The following ABCB1 variants were observed in gnomAD, a reference collection of about 807,000 sequenced individuals.
ABCB1 encodes the protein ATP-dependent translocase ABCB1.
A neutral mutation model predicts 142.0 loss-of-function variants in ABCB1; 69 were observed. That is an observed-to-expected ratio of 0.49 (90% CI 0.40 to 0.59). The LOEUF (loss-of-function observed/expected upper bound fraction) is 0.59, where lower values mean the gene tolerates loss of function less well. Ranked by LOEUF, ABCB1 falls within the 20% of genes least tolerant of loss-of-function variation. The probability of loss-of-function intolerance (pLI) is 0.00; values close to 1 mark genes in which losing one functional copy is unlikely to be tolerated. For missense variants in ABCB1, 1,326 were observed against 1,554.7 expected (o/e 0.85, Z 2.47); for synonymous variants, 532 against 539.2 (o/e 0.99, Z 0.18).
intron 1 of ABCB1, among the ~76,000 whole-genome samples, chr7:87,673,549 A>C (rs567083553): frequency 2.0e-5 from 3 of 152,176 alleles, no homozygotes; most frequent in African/African-American, 7.2e-5. Flanking sequence ...CGAAGTGTGC[A>C]TGTCTATCAG....
At chr7:87,532,389 T>C (rs1381300659) in intron 20 of ABCB1, among the ~76,000 whole-genome samples, 3 of 152,158 alleles carry the variant, frequency 2.0e-5, no homozygotes, top group African/African-American at 7.2e-5. Context: ...CAGCACAAGA[T>C]ACAGGTCGCT....
intron 21 of ABCB1, among the ~76,000 whole-genome samples, chr7:87,523,251 T>A (rs1320037330): frequency 6.6e-6 from 1 of 152,162 alleles, no homozygotes; most frequent in East Asian, 1.9e-4. Context: ...TAGCTAAGAC[T>A]ACAAGCACAT....
At chr7:87,611,346 G>A (rs770575493) in intron 1 of ABCB1, among the ~76,000 whole-genome samples, 1 of 152,122 alleles carries the variant, frequency 6.6e-6, no homozygotes, top group Non-Finnish European at 1.5e-5. Context: ...TGCCCATTAG[G>A]ATGTTTTTCA....
chr7:87,697,712 C>T (rs1049648892), intron 1 of ABCB1, among the ~76,000 whole-genome samples: 4 of 152,206 alleles, frequency 2.6e-5, no homozygotes, highest in Non-Finnish European at 4.4e-5. Flanking sequence ...CTCTTTGCTA[C>T]TTGCTGCACA....
At chr7:87,706,064 T>C (rs1232875677) in intron 1 of ABCB1, among the ~76,000 whole-genome samples, 1 of 152,228 alleles carries the variant, frequency 6.6e-6, no homozygotes, top group Non-Finnish European at 1.5e-5. Context: ...GATTTGGCTT[T>C]CTTAGGTTTC....
At chr7:87,558,643 A>G (rs1817416289) in intron 8 of ABCB1, among the ~76,000 whole-genome samples, 1 of 152,084 alleles carries the variant, frequency 6.6e-6, no homozygotes, top group African/African-American at 2.4e-5. Context: ...TATTTTTTAA[A>G]TTGACAGACA....
At chr7:87,626,775 A>ATATATAT (rs1491398347) in intron 1 of ABCB1, among the ~76,000 whole-genome samples, 1 of 121,922 alleles carries the variant, frequency 8.2e-6, no homozygotes, top group African/African-American at 3.3e-5. Context: ...TATATATGTC[A>ATATATAT]GAGAGAGAGA....
intron 21 of ABCB1, among the ~76,000 whole-genome samples, chr7:87,526,193 T>C (rs1277422891): frequency 2.0e-5 from 3 of 151,928 alleles, no homozygotes; most frequent in African/African-American, 7.3e-5. Context: ...CTCCTATTTC[T>C]TTTTGTGGTT....
intron 1 of ABCB1, among the ~76,000 whole-genome samples, chr7:87,605,895 A>G (rs574063364): frequency 1.3e-4 from 20 of 152,344 alleles, no homozygotes; most frequent in African/African-American, 4.8e-4. Flanking sequence ...ATAAAAATTA[A>G]GAACATGAGA....
chr7:87,565,624 G>T (rs887050907), intron 7 of ABCB1: 1 of 337,194 alleles, frequency 3.0e-6, no homozygotes, highest in East Asian at 7.7e-5. Context: ...AATCTAGAAA[G>T]CCAAAAACAT....
At chr7:87,666,743 G>C (rs1202456500) in intron 1 of ABCB1, among the ~76,000 whole-genome samples, 1 of 152,012 alleles carries the variant, frequency 6.6e-6, no homozygotes, top group Non-Finnish European at 1.5e-5. Flanking sequence ...TATTGATTAG[G>C]AGTATTTTCC....
chr7:87,670,953 G>A (rs1332931973), intron 1 of ABCB1, among the ~76,000 whole-genome samples: 1 of 152,072 alleles, frequency 6.6e-6, no homozygotes, highest in Non-Finnish European at 1.5e-5. Context: ...GCTGCCCACT[G>A]CAGCTTTGGG....
intron 18 of ABCB1, 91 bp from the exon 19 acceptor site, chr7:87,539,436 AC>A (rs1816435493): frequency 7.9e-7 from 1 of 1,266,482 alleles, no homozygotes; most frequent in Non-Finnish European, 1.1e-6. Context: ...AGGAGATCAG[AC>A]AAAGTCAGAA....
rs200168291 is a variant in ABCB1 at position 87,566,998 on chromosome 7, G to A, written c.339-22C>T. 1.9e-6 allele frequency: 3 copies of A among 1,607,288 alleles called. No homozygotes were observed. The African/African-American group carries it at 4.0e-5, about 21-fold the overall frequency. On this transcript the variant is annotated intron_variant, in intron 5 of 27. Coordinates refer to ENST00000622132, the MANE Select transcript of ABCB1 (RefSeq NM_001348946.2). The stretch of plus-strand genomic sequence containing the variant: ...ATACCTGAAAAACAACAAGAACACT[G>A]CACATGCTCTCTGTTTCCTAATCAA...
rs1829278840 is a variant in ABCB1 at position 87,703,590 on chromosome 7, G to T, written c.-331+9571C>A. ...CTTCAATATCTTTCAACTCTCTCAG[G>T]TTGGATCAGTTTTCTTCTCTGTCTC... On this transcript the variant is annotated intron_variant, in intron 1 of 28. Transcript: ENST00000265724. Among the ~76,000 whole-genome samples the T allele has an allele frequency of 3.3e-5, 5 of 152,144 alleles. No individual in the cohort carries two copies. In the South Asian group the frequency reaches 1.0e-3, roughly 32 times the overall value.
At chr7:87,539,514 T>A (rs1400361347) in intron 18 of ABCB1, among the ~76,000 whole-genome samples, 169 bp from the exon 19 acceptor site, 1 of 152,174 alleles carries the variant, frequency 6.6e-6, no homozygotes, top group Non-Finnish European at 1.5e-5. Context: ...GTACGGGTGG[T>A]GTAGACAGAA....
intron 16 of ABCB1, 68 bp from the exon 17 acceptor site, chr7:87,544,343 C>CA: frequency 2.1e-6 from 3 of 1,462,674 alleles, no homozygotes; most frequent in Non-Finnish European, 2.9e-6. Context: ...TACATACGCA[C>CA]AAAAATTAGT....
At chr7:87,662,488 A>C (rs1278911428) in intron 1 of ABCB1, among the ~76,000 whole-genome samples, 2 of 152,188 alleles carry the variant, frequency 1.3e-5, no homozygotes, top group African/African-American at 4.8e-5. Context: ...CAGTTTTCCC[A>C]GCACCATTTA....
intron 8 of ABCB1, among the ~76,000 whole-genome samples, chr7:87,557,413 T>C (rs529084380): frequency 1.3e-5 from 2 of 152,320 alleles, no homozygotes; most frequent in South Asian, 2.1e-4. Context: ...AATGGCCAAC[T>C]TGGGAAGGAC....
Sources: gnomAD v4.1 joint callset for allele counts (sites outside exome capture counted in the v4.1 genomes callset) on GRCh38, gnomAD v4.1.1 for gene constraint, MANE v1.5 for transcripts, NCBI Gene and HGNC (gene_info 2026-07-23, HGNC 2026-07-21) for gene names.